RFX7: variants seen among roughly 807,000 people sequenced by gnomAD.
The protein encoded by RFX7 is DNA-binding protein RFX7.
A neutral mutation model predicts 111.8 loss-of-function variants in RFX7; 26 were observed. The observed-to-expected ratio is 0.23, with a 90% CI of 0.17 to 0.32. The LOEUF (loss-of-function observed/expected upper bound fraction) is 0.32, where lower values mean the gene tolerates loss of function less well. RFX7 is among the 10% of genes least tolerant of loss of function. RFX7 has a pLI of 1.00. For missense variants in RFX7, 1,573 were observed against 1,772.9 expected, an observed-to-expected ratio of 0.89 and a Z score of 2.02; for synonymous variants, 624 against 624.4, an observed-to-expected ratio of 1.00 and a Z score of 0.01.
intron 2 of RFX7, among the ~76,000 whole-genome samples, chr15:56,191,098 C>G (rs2043096372): frequency 6.6e-6 from 1 of 152,210 alleles, no homozygotes; most frequent in African/African-American, 2.4e-5. Context: ...CTCCCTTCCT[C>G]TCTGGCCAAT....
At chr15:56,140,431 C>T (rs1208441571) in intron 5 of RFX7, among the ~76,000 whole-genome samples, 1 of 152,250 alleles carries the variant, frequency 6.6e-6, no homozygotes, top group Non-Finnish European at 1.5e-5. Context: ...ACTCCCTGAC[C>T]CCTTGCGCTT....
intron 2 of RFX7, among the ~76,000 whole-genome samples, chr15:56,238,002 T>C (rs913743698): frequency 2.6e-5 from 4 of 152,200 alleles, no homozygotes; most frequent in African/African-American, 9.6e-5. Context: ...GCTGATGTGC[T>C]AGTCGGTCTG....
intron 5 of RFX7, among the ~76,000 whole-genome samples, chr15:56,121,695 G>A (rs1185783084): frequency 2.0e-5 from 3 of 152,064 alleles, no homozygotes; most frequent in Non-Finnish European, 4.4e-5. Flanking sequence ...TCTAGATCTT[G>A]TAGGTGTGCT....
chr15:56,127,711 C>G (rs2042162811), intron 5 of RFX7, among the ~76,000 whole-genome samples: 1 of 151,864 alleles, frequency 6.6e-6, no homozygotes, highest in Admixed American at 6.5e-5. Flanking sequence ...CCATGCCCGG[C>G]TAATTTTTGT....
chr15:56,112,379 C>CAAAAAAAAA (rs71110374), intron 5 of RFX7, among the ~76,000 whole-genome samples: 72 of 71,708 alleles, frequency 1.0e-3, no homozygotes, highest in East Asian at 1.7e-3. Context: ...GAGTACAAAT[C>CAAAAAAAAA]AAAAAAAAAA....
At chr15:56,143,900 CCA>C (rs1200433845) in intron 4 of RFX7, among the ~76,000 whole-genome samples, 1 of 152,128 alleles carries the variant, frequency 6.6e-6, no homozygotes, top group Non-Finnish European at 1.5e-5. Flanking sequence ...CAGCTTCTCT[CCA>C]CAGTTTCTAT....
chr15:56,161,945 G>T (rs561456964), intron 3 of RFX7, among the ~76,000 whole-genome samples: 3 of 152,032 alleles, frequency 2.0e-5, no homozygotes, highest in African/African-American at 7.2e-5. Flanking sequence ...ACCATCATAG[G>T]ATCATCATGT....
rs540238631 is a variant in RFX7, at chr15:56,087,315, T to C, written c.*6030A>G. On this transcript the variant is annotated 3_prime_UTR_variant, in exon 10 of 10. Transcript: ENST00000559447. ...ACCAGAAAGACATTTATTTCTCTCA[T>C]GTAAAACACATCCAGAGGTAAGCAG... 113 of 398,858 alleles carry C rather than the reference T, an allele frequency of 2.8e-4. No individual in the cohort carries two copies. Among genetic ancestry groups the C allele is most frequent in the African/African-American group, 2.2e-3 (108 of 48,250 alleles). The allele number at this position is 398,858 out of a possible 1,614,324, so 24.7% of individuals were successfully genotyped here. A position where few individuals can be genotyped will look rare whatever the true frequency, so the allele number is the denominator to read the frequency against.
intron 5 of RFX7, among the ~76,000 whole-genome samples, chr15:56,114,999 C>T (rs145299010): frequency 1.9e-4 from 29 of 152,076 alleles, no homozygotes; most frequent in African/African-American, 6.5e-4. Context: ...TTTAAAATGA[C>T]TATTCTTTTT....
chr15:56,114,211 C>G (rs1328537566), intron 5 of RFX7, among the ~76,000 whole-genome samples: 2 of 151,904 alleles, frequency 1.3e-5, no homozygotes, highest in Non-Finnish European at 2.9e-5. Flanking sequence ...CAGGACCAGC[C>G]TGGGCAACCT....
chr15:56,109,955 G>T (rs1185520410), intron 5 of RFX7, among the ~76,000 whole-genome samples: 1 of 148,462 alleles, frequency 6.7e-6, no homozygotes, highest in African/African-American at 2.5e-5. Flanking sequence ...CCCCATCCGG[G>T]AGGGAGGTGG....
rs562104334 is a variant in RFX7 at position 56,096,628 on chromosome 15, AAGAT to A, written c.1108-12_1108-9del. On this transcript the variant is annotated splice_polypyrimidine_tract_variant and intron_variant, in intron 9 of 9. Transcript: ENST00000559447. ...TTGCCTAGTCCGCTGGACCTGTTAA[AAGAT>A]AGCAAAAAATCAGATTTAACAGGTC... 64 of 1,554,944 alleles carry A rather than the reference AAGAT, an allele frequency of 4.1e-5. No individual in the cohort carries two copies. The African/African-American group carries it at 7.3e-4, about 18-fold the overall frequency.
At chr15:56,192,802 C>A in intron 2 of RFX7, 2 of 224,438 alleles carry the variant, frequency 8.9e-6, no homozygotes, top group South Asian at 1.6e-4. Flanking sequence ...GCAAATCGGT[C>A]TTGTTTGGTG....
chr15:56,170,177 C>T (rs773291899), intron 3 of RFX7, among the ~76,000 whole-genome samples: 1 of 152,056 alleles, frequency 6.6e-6, no homozygotes, highest in African/African-American at 2.4e-5. Context: ...TGTTCCTATA[C>T]TCAAGAAGCC....
chr15:56,189,474 T>C (rs556913137), intron 2 of RFX7, among the ~76,000 whole-genome samples: 3 of 151,638 alleles, frequency 2.0e-5, no homozygotes, highest in Admixed American at 6.6e-5. Context: ...AACAACTACA[T>C]AAAATACTCG....
At chr15:56,230,876 C>A (rs559393987) in intron 2 of RFX7, among the ~76,000 whole-genome samples, 4 of 152,298 alleles carry the variant, frequency 2.6e-5, no homozygotes, top group African/African-American at 9.6e-5. Context: ...GGGCAGACCA[C>A]GAGGTCAGGA....
At chr15:56,096,757 C>T in intron 9 of RFX7, 137 bp from the exon 10 acceptor site, 1 of 857,466 alleles carries the variant, frequency 1.2e-6, no homozygotes, top group South Asian at 2.2e-5. Context: ...GAAGAGAGTT[C>T]TTCTAGACCA....
At chr15:56,206,256 T>TA (rs2043250920) in intron 2 of RFX7, among the ~76,000 whole-genome samples, 1 of 151,704 alleles carries the variant, frequency 6.6e-6, no homozygotes, top group South Asian at 2.1e-4. Flanking sequence ...TCATCAGACA[T>TA]AAAAAAGAAA....
At chr15:56,188,086 G>A (rs1333354698) in intron 2 of RFX7, among the ~76,000 whole-genome samples, 14 of 152,048 alleles carry the variant, frequency 9.2e-5, no homozygotes, top group African/African-American at 2.2e-4. Context: ...CATAATAAAT[G>A]TTCGCATGGG....
Sources: gnomAD v4.1 joint callset for allele counts (sites outside exome capture counted in the v4.1 genomes callset) on GRCh38, gnomAD v4.1.1 for gene constraint, MANE v1.5 for transcripts, NCBI Gene and HGNC (gene_info 2026-07-23, HGNC 2026-07-21) for gene names.